The following GASK1A variants were observed in gnomAD, a reference collection of about 807,000 sequenced individuals.
The protein encoded by GASK1A is Golgi-associated kinase 1A.
Under a neutral mutation model 41.2 loss-of-function variants are expected in GASK1A, and 40 were observed. The ratio of observed to expected loss-of-function variants is 0.97; its 90% confidence interval spans 0.75 to 1.27. The LOEUF is 1.27. Ranked by LOEUF, GASK1A falls within the 50% of genes most tolerant of loss-of-function variation. GASK1A has a pLI of 0.00. For synonymous variants in GASK1A, 316 were observed against 307.1 expected, an observed-to-expected ratio of 1.03 and a Z score of -0.30; for missense variants, 678 against 745.1, an observed-to-expected ratio of 0.91 and a Z score of 1.05.
intron 1 of GASK1A, among the ~76,000 whole-genome samples, chr3:43,015,974 G>A (rs527441842): frequency 2.3e-4 from 35 of 152,104 alleles, no homozygotes; most frequent in African/African-American, 7.5e-4. Context: ...CACAGGAAGG[G>A]TCTGTGTGAA....
At chr3:42,981,753 A>C (rs1356127687) in intron 1 of GASK1A, among the ~76,000 whole-genome samples, 1 of 152,260 alleles carries the variant, frequency 6.6e-6, no homozygotes, top group African/African-American at 2.4e-5. Flanking sequence ...CTATGTCCAC[A>C]GAGTGGTCAT....
chr3:43,040,292 A>G lies in GASK1A; in HGVS notation c.1290+6739A>G, dbSNP rs138619528. The stretch of plus-strand genomic sequence containing the variant: ...GCTACCTTTAATAGAGCCAATTTCC[A>G]TAAGTATATAGGTCTATTTCTGGAC... On this transcript the variant is annotated intron_variant, in intron 2 of 4. Transcript: ENST00000430121. 5.5e-4 allele frequency among the ~76,000 whole-genome samples: 83 copies of G among 152,202 alleles called. No homozygotes were observed. In the East Asian group the frequency reaches 0.013, roughly 23 times the overall value.
intron 1 of GASK1A, among the ~76,000 whole-genome samples, chr3:43,009,806 A>G (rs2089454693): frequency 6.6e-6 from 1 of 152,202 alleles, no homozygotes; most frequent in South Asian, 2.1e-4. Context: ...CTGTCCCACA[A>G]GTTTGGAAAG....
At chr3:42,988,055 C>T (rs967239577) in intron 1 of GASK1A, among the ~76,000 whole-genome samples, 3 of 143,070 alleles carry the variant, frequency 2.1e-5, no homozygotes, top group South Asian at 4.5e-4. Flanking sequence ...ATTGTGTGTA[C>T]GGGTTTATTT....
chr3:43,055,462 T>C lies in GASK1A; in HGVS notation c.1444T>C (p.Tyr482His). ...GAGCAGCGATCCATCTCACCTGGTC[T>C]ACATCGATAACGCTGGCAACCTTCA... is the stretch of plus-strand genomic sequence containing the variant. ...VRSSDPSHLV[Y>H]IDNAGNLQHP... The change falls in exon 4 of 5, where the codon TAC becomes CAC. Residue 482 changes from tyrosine to histidine, a missense_variant. Transcript: ENST00000430121. The C allele has an allele frequency of 6.4e-7, 1 of 1,551,820 alleles. No individual in the cohort carries two copies. Among genetic ancestry groups the C allele is most frequent in the Non-Finnish European group, 8.7e-7 (1 of 1,147,008 alleles).
At position 43,039,204 on chromosome 3, in the gene GASK1A, G is replaced by GTTTT. The variant is rs548862246; in HGVS notation, c.1290+5651_1290+5652insTTTT. Among the ~76,000 whole-genome samples the GTTTT allele has an allele frequency of 7.3e-5, 10 of 136,590 alleles. 1 individual carries two copies. The highest frequency in any genetic ancestry group is 7.5e-3 in the Middle Eastern group (2 of 266). 89.6% of individuals were successfully genotyped at this position (136,590 alleles called of 152,430 possible). On this transcript the variant is annotated intron_variant, in intron 2 of 4. Transcript: ENST00000430121. ...CTGCCACCAGGTAGTTTTTTTTTTT[G>GTTTT]GTTTTTTTTTTTTTTTGAGATGGAG... is the stretch of plus-strand genomic sequence containing the variant.
At chr3:42,993,302 C>A (rs891952727) in intron 1 of GASK1A, among the ~76,000 whole-genome samples, 4 of 152,136 alleles carry the variant, frequency 2.6e-5, no homozygotes, top group African/African-American at 9.7e-5. Context: ...GACTTTGTCA[C>A]CAAGAGAAGT....
At chr3:42,983,186 C>T (rs928550016) in intron 1 of GASK1A, among the ~76,000 whole-genome samples, 10 of 152,060 alleles carry the variant, frequency 6.6e-5, no homozygotes, top group South Asian at 2.1e-4. Flanking sequence ...TCTGGGTAAG[C>T]GCTGCCTTGC....
In GASK1A at chr3:43,015,661, G is replaced by A. The variant is rs2125681189; in HGVS notation, c.4-16606G>A. On this transcript the variant is annotated intron_variant, in intron 1 of 4. Coordinates refer to ENST00000430121, the MANE Select transcript of GASK1A (RefSeq NM_001129908.3). ...GGGGCTGTGTGAAGCCACAGGAAGG[G>A]GCAGTGGGAAGTCACAGGTAGAGGC... 1.3e-5 allele frequency among the ~76,000 whole-genome samples: 2 copies of A among 152,172 alleles called. 1 individual carries two copies. The highest frequency in any genetic ancestry group is 4.2e-4 in the South Asian group (2 of 4,814).
chr3:43,047,703 C>T (rs1170070037), intron 2 of GASK1A, among the ~76,000 whole-genome samples: 1 of 152,124 alleles, frequency 6.6e-6, no homozygotes, highest in Non-Finnish European at 1.5e-5. Flanking sequence ...GAAACATATT[C>T]CCACAGCAAC....
At chr3:43,001,020 G>C (rs1470075716) in intron 1 of GASK1A, among the ~76,000 whole-genome samples, 1 of 152,156 alleles carries the variant, frequency 6.6e-6, no homozygotes, top group Non-Finnish European at 1.5e-5. Flanking sequence ...CAGAAAGGAA[G>C]AGGGGGTTGA....
chr3:42,999,399 C>T (rs2089394663), intron 1 of GASK1A, among the ~76,000 whole-genome samples: 1 of 152,238 alleles, frequency 6.6e-6, no homozygotes, highest in Admixed American at 6.5e-5. Flanking sequence ...CAACCTCTGT[C>T]CTGGGTCTAG....
intron 2 of GASK1A, among the ~76,000 whole-genome samples, chr3:43,034,631 G>T (rs1314307005): frequency 2.0e-5 from 3 of 152,206 alleles, no homozygotes; most frequent in Non-Finnish European, 4.4e-5. Context: ...AGCCCTTAGG[G>T]TTACCTGCAG....
chr3:43,013,892 T>A (rs1338548942), intron 1 of GASK1A, among the ~76,000 whole-genome samples: 1 of 151,156 alleles, frequency 6.6e-6, no homozygotes, highest in Non-Finnish European at 1.5e-5. Flanking sequence ...GAAGGGGCAG[T>A]GGGAAGTCAC....
chr3:43,055,497 G>C lies in GASK1A; in HGVS notation c.1479G>C (p.Glu493Asp). Reference protein sequence around the residue: ...IDNAGNLQHPEDKLNFRLLEG... With the variant: ...IDNAGNLQHPDDKLNFRLLEG... The stretch of plus-strand genomic sequence containing the variant: ...ACGCTGGCAACCTTCAGCACCCTGA[G>C]GACAAGCTGAACTTTCGGCTGCTGG... The change falls in exon 4 of 5, where the codon GAG becomes GAC. Residue 493 changes from glutamate to aspartate, a missense_variant. By Grantham distance (45) the Glu-to-Asp change is conservative (BLOSUM62 2). Coordinates refer to ENST00000430121, the MANE Select transcript of GASK1A (RefSeq NM_001129908.3). 1 of 1,552,044 alleles carries C rather than the reference G, an allele frequency of 6.4e-7. No homozygotes were observed. Among genetic ancestry groups the C allele is most frequent in the South Asian group, 1.2e-5 (1 of 84,060 alleles).
At chr3:43,003,220 C>T (rs965946784) in intron 1 of GASK1A, among the ~76,000 whole-genome samples, 2 of 152,114 alleles carry the variant, frequency 1.3e-5, no homozygotes, top group Non-Finnish European at 2.9e-5. Context: ...AGAGGCCAGA[C>T]GCAGTGGCTC....
intron 1 of GASK1A, among the ~76,000 whole-genome samples, chr3:43,027,029 T>C (rs1197842496): frequency 6.6e-6 from 1 of 152,176 alleles, no homozygotes; most frequent in Non-Finnish European, 1.5e-5. Context: ...GGGTAAAAAA[T>C]CAGTTCAATC....
At chr3:43,037,145 ACCT>A (rs2089608650) in intron 2 of GASK1A, 5 of 993,460 alleles carry the variant, frequency 5.0e-6, no homozygotes, top group Non-Finnish European at 7.7e-6. Context: ...TTCAGGGCAG[ACCT>A]CCTTATGCTG....
At chr3:43,043,013 A>G (rs893775442) in intron 2 of GASK1A, among the ~76,000 whole-genome samples, 15 of 152,142 alleles carry the variant, frequency 9.9e-5, no homozygotes, top group African/African-American at 9.7e-5. Flanking sequence ...AGCCTCACCA[A>G]ATTCTTCAAC....
Sources: gnomAD v4.1 joint callset for allele counts (sites outside exome capture counted in the v4.1 genomes callset) on GRCh38, gnomAD v4.1.1 for gene constraint, MANE v1.5 for transcripts, NCBI Gene and HGNC (gene_info 2026-07-23, HGNC 2026-07-21) for gene names.